Variants in SLC4A4 observed in about 807,000 individuals in gnomAD.
The protein encoded by SLC4A4 is electrogenic sodium bicarbonate cotransporter 1.
SLC4A4 carries 27 observed loss-of-function variants against 111.5 expected under a neutral mutation model. The ratio of observed to expected loss-of-function variants is 0.24; its 90% CI spans 0.18 to 0.33. SLC4A4 has a LOEUF of 0.33. SLC4A4 is among the 10% of genes least tolerant of loss of function. The pLI is 1.00. For missense variants in SLC4A4, 909 were observed against 1,315.5 expected (o/e 0.69, Z 4.78); for synonymous variants, 443 against 463.4 (o/e 0.96, Z 0.57).
At chr4:71,315,424 T>G (rs1241880210) in intron 3 of SLC4A4, among the ~76,000 whole-genome samples, 1 of 152,148 alleles carries the variant, frequency 6.6e-6, no homozygotes, top group Non-Finnish European at 1.5e-5. Flanking sequence ...CATAGTTTTA[T>G]TATGATAAGA....
chr4:71,209,311 A>G (rs1336245951), intron 1 of SLC4A4, among the ~76,000 whole-genome samples: 1 of 152,244 alleles, frequency 6.6e-6, no homozygotes. Flanking sequence ...AAAAAGAAGC[A>G]GCAGGGCACA....
rs138963628 is a variant in SLC4A4, at chr4:71,479,731, C to T, written c.1903+6761C>T. Reference sequence around the variant, plus strand: ...GCTTGCATTTGTGAGACTCCTTTACCGGCACAGTTGACATTTTATCATTTA... The same window carrying T: ...GCTTGCATTTGTGAGACTCCTTTACTGGCACAGTTGACATTTTATCATTTA... On this transcript the variant is annotated intron_variant, in intron 14 of 25. Transcript: ENST00000264485. Among the ~76,000 whole-genome samples, 597 of 151,804 alleles carry T rather than the reference C, an allele frequency of 3.9e-3. 6 individuals are homozygous for T. Among genetic ancestry groups the T allele is most frequent in the African/African-American group, 0.013 (534 of 41,476 alleles).
At chr4:71,262,209 T>C (rs1164199392) in intron 3 of SLC4A4, among the ~76,000 whole-genome samples, 1 of 152,338 alleles carries the variant, frequency 6.6e-6, no homozygotes, top group East Asian at 1.9e-4. Context: ...TTTAGGAATT[T>C]TTTCATATAG....
At chr4:71,393,016 C>G (rs1489879319) in intron 6 of SLC4A4, among the ~76,000 whole-genome samples, 2 of 152,044 alleles carry the variant, frequency 1.3e-5, no homozygotes, top group Admixed American at 6.6e-5. Flanking sequence ...AGGGACGTAC[C>G]TCAATGTAAT....
chr4:71,398,102 A>G (rs567310350), intron 7 of SLC4A4, among the ~76,000 whole-genome samples: 9 of 152,148 alleles, frequency 5.9e-5, no homozygotes, highest in Non-Finnish European at 1.2e-4. Flanking sequence ...TCTGGCCAAC[A>G]TGACAAAACC....
chr4:71,179,901 C>T (rs1421674840), intron 2 of SLC4A4, among the ~76,000 whole-genome samples: 1 of 152,136 alleles, frequency 6.6e-6, no homozygotes, highest in African/African-American at 2.4e-5. Context: ...CAAGTCAATC[C>T]GAAGCCAAAA....
chr4:71,196,866 A>AAAAAAAAAAAAAAG (rs1746030604), intron 1 of SLC4A4, among the ~76,000 whole-genome samples: 1 of 142,108 alleles, frequency 7.0e-6, no homozygotes. Flanking sequence ...AAAAAAAAAA[A>AAAAAAAAAAAAAAG]AAAAAAAATG....
intron 16 of SLC4A4, among the ~76,000 whole-genome samples, chr4:71,502,684 C>G (rs1731053634): frequency 6.6e-6 from 1 of 152,152 alleles, no homozygotes; most frequent in Non-Finnish European, 1.5e-5. Flanking sequence ...ATATTGTGGT[C>G]AGAAAAGATA....
chr4:71,443,452 A>C (rs1053364255), intron 8 of SLC4A4, among the ~76,000 whole-genome samples: 3 of 151,864 alleles, frequency 2.0e-5, no homozygotes, highest in African/African-American at 7.3e-5. Context: ...GCCCAGCCTC[A>C]TTCATATTTT....
chr4:71,502,468 A>G (rs913378703), intron 16 of SLC4A4, among the ~76,000 whole-genome samples: 7 of 152,168 alleles, frequency 4.6e-5, no homozygotes, highest in Admixed American at 3.3e-4. Context: ...TTATTGCTAT[A>G]AATTTCACTC....
chr4:71,263,903 G>T (rs1722049375), intron 3 of SLC4A4, among the ~76,000 whole-genome samples: 1 of 152,046 alleles, frequency 6.6e-6, no homozygotes, highest in African/African-American at 2.4e-5. Context: ...TTTCTTTAAA[G>T]AACTGTATAG....
chr4:71,417,811 C>T (rs941216486), intron 7 of SLC4A4, among the ~76,000 whole-genome samples: 3 of 152,142 alleles, frequency 2.0e-5, no homozygotes, highest in African/African-American at 7.2e-5. Context: ...AGCTTCTAAA[C>T]TTTAGGTAGT....
At chr4:71,153,462 C>T (rs546495253) in intron 2 of SLC4A4, among the ~76,000 whole-genome samples, 26 of 152,230 alleles carry the variant, frequency 1.7e-4, no homozygotes, top group African/African-American at 6.0e-4. Flanking sequence ...AAAGACAGAC[C>T]TGGTTTTGAA....
At chr4:71,186,377 A>T (rs1245740909), upstream of SLC4A4, among the ~76,000 whole-genome samples, 1 of 152,212 alleles carries the variant, frequency 6.6e-6, no homozygotes, top group East Asian at 1.9e-4. Flanking sequence ...AAGTAGAGTC[A>T]AGAGTGATCT....
At chr4:71,388,524 A>G (rs1203517904) in intron 6 of SLC4A4, among the ~76,000 whole-genome samples, 3 of 150,836 alleles carry the variant, frequency 2.0e-5, no homozygotes, top group African/African-American at 7.4e-5. Flanking sequence ...GAAGCTACCT[A>G]TTATATTATA....
Position 71,245,450 on chromosome 4 carries a change from A to G in SLC4A4, c.73+8801A>G, listed in dbSNP as rs1720587689. 2.0e-5 allele frequency among the ~76,000 whole-genome samples: 3 copies of G among 152,074 alleles called. No individual in the cohort carries two copies. In the South Asian group the frequency reaches 6.2e-4, roughly 32 times the overall value. ...TTGGGTTGGACAAGAGTGGGGACAA[A>G]AAAGATGGAGACAAATGTGTTGAAT... On this transcript the variant is annotated intron_variant, in intron 2 of 25. Transcript: ENST00000264485.
intron 2 of SLC4A4, among the ~76,000 whole-genome samples, chr4:71,150,859 C>A (rs74467298): frequency 6.6e-6 from 1 of 151,986 alleles, no homozygotes; most frequent in Non-Finnish European, 1.5e-5. Context: ...TCTATGCGCT[C>A]AAAGGTCTGG....
intron 2 of SLC4A4, among the ~76,000 whole-genome samples, chr4:71,150,673 T>G (rs1744291975): frequency 6.6e-6 from 1 of 152,166 alleles, no homozygotes; most frequent in South Asian, 2.1e-4. Flanking sequence ...ACTCTTCATA[T>G]AAGTGTGCAG....
chr4:71,512,668 T>C (rs1732037828), intron 16 of SLC4A4, among the ~76,000 whole-genome samples: 2 of 151,956 alleles, frequency 1.3e-5, no homozygotes, highest in Non-Finnish European at 2.9e-5. Context: ...TTTTGTTTGG[T>C]TGCCAATGAA....
Sources: gnomAD v4.1 joint callset for allele counts (sites outside exome capture counted in the v4.1 genomes callset) on GRCh38, gnomAD v4.1.1 for gene constraint, MANE v1.5 for transcripts, NCBI Gene and HGNC (gene_info 2026-07-23, HGNC 2026-07-21) for gene names.